The following CLCN4 variants were observed in gnomAD, a reference collection of about 807,000 sequenced individuals.
CLCN4 encodes Cl-/H+ antiporter 4.
Under a neutral mutation model 41.7 loss-of-function variants are expected in CLCN4, and 1 was observed. That is an observed-to-expected ratio of 0.02 (90% CI 0.01 to 0.11). The LOEUF is 0.11. Among genes scored for constraint, CLCN4 ranks in the 10% least tolerant of loss-of-function variants. The pLI, the probability that CLCN4 is intolerant of heterozygous loss-of-function variation, is 1.00. For synonymous variants in CLCN4, 277 were observed against 285.8 expected, an observed-to-expected ratio of 0.97 and a Z score of 0.31; for missense variants, 287 against 661.0, an observed-to-expected ratio of 0.43 and a Z score of 6.20.
intron 2 of CLCN4, among the ~76,000 whole-genome samples, chrX:10,180,921 C>T (rs1244301461): frequency 9.0e-6 from 1 of 110,681 alleles, no homozygotes; most frequent in African/African-American, 3.3e-5. Context: ...GCTGTTGAGT[C>T]TCTTGGCCCA....
chrX:10,187,929 T>G (rs1342236782), intron 4 of CLCN4, among the ~76,000 whole-genome samples: 3 of 111,723 alleles, frequency 2.7e-5, no homozygotes, highest in African/African-American at 9.8e-5. Context: ...AAACACACAT[T>G]TTTTTTGGAA....
intron 12 of CLCN4, among the ~76,000 whole-genome samples, chrX:10,231,378 A>G (rs1925122942): frequency 1.8e-5 from 2 of 111,689 alleles, no homozygotes; most frequent in Admixed American, 9.5e-5. Flanking sequence ...GTAACTCAAT[A>G]TATCATCCAA....
At chrX:10,164,773 C>T (rs952736577) in intron 2 of CLCN4, among the ~76,000 whole-genome samples, 1 of 112,222 alleles carries the variant, frequency 8.9e-6, no homozygotes, top group Non-Finnish European at 1.9e-5. Context: ...GCAGCATCAC[C>T]TTTGATGGGC....
chrX:10,207,087 T>G (rs1924416105), intron 8 of CLCN4, among the ~76,000 whole-genome samples: 1 of 110,473 alleles, frequency 9.1e-6, no homozygotes, highest in African/African-American at 3.3e-5. Context: ...GCCTGGCTCA[T>G]TTTTGTGTTT....
At chrX:10,224,293 C>CAT (rs1555978482) in intron 12 of CLCN4, among the ~76,000 whole-genome samples, 1 of 87,904 alleles carries the variant, frequency 1.1e-5, no homozygotes, top group Non-Finnish European at 2.2e-5. Context: ...GGGAGGGTTC[C>CAT]GTGTGTGTGT....
chrX:10,195,574 C>T (rs141690454), intron 5 of CLCN4, among the ~76,000 whole-genome samples: 1,843 of 111,807 alleles, frequency 0.016, 35 homozygotes, highest in African/African-American at 0.056. Context: ...GTTTTGCAGC[C>T]GTTACCACAA....
intron 9 of CLCN4, among the ~76,000 whole-genome samples, chrX:10,211,265 CAAAAAAAA>C (rs71774120): frequency 2.0e-5 from 1 of 48,808 alleles, no homozygotes; most frequent in East Asian, 8.8e-4. Context: ...GATTCCGTCT[CAAAAAAAA>C]AAAAAAAAAA....
chrX:10,205,013 G>T (rs1602155345), intron 6 of CLCN4, among the ~76,000 whole-genome samples: 1 of 111,072 alleles, frequency 9.0e-6, no homozygotes, highest in African/African-American at 3.3e-5. Context: ...AGCCTGGGCT[G>T]GGGGGTTAGC....
Position 10,180,550 on chromosome X carries a change from C to T in CLCN4, c.-11-4472C>T, listed in dbSNP as rs373003206. Among the ~76,000 whole-genome samples, 3 of 110,179 alleles carry T rather than the reference C, an allele frequency of 2.7e-5. No homozygotes were observed. In the South Asian group the frequency reaches 1.2e-3, roughly 42 times the overall value. On this transcript the variant is annotated intron_variant, in intron 2 of 12. Transcript: ENST00000380833. ...TGGGATGCCGAGGTGGGCGGATCAC[C>T]TGAGGTCGGGAGTTTGAAACCAGCC...
Position 10,212,449 on chromosome X carries a change from T to C in CLCN4, c.1390-18T>C. On this transcript the variant is annotated intron_variant, in intron 9 of 12. Coordinates refer to ENST00000380833, the MANE Select transcript of CLCN4 (RefSeq NM_001830.4). Reference sequence around the variant, plus strand: ...TGGTCTTTTTCCCTCATGTTGCTTTTCTCTGTGTCTCCTCAAGATCCCGTC... The same window carrying C: ...TGGTCTTTTTCCCTCATGTTGCTTTCCTCTGTGTCTCCTCAAGATCCCGTC... 1 of 1,204,396 alleles carries C rather than the reference T, an allele frequency of 8.3e-7. No homozygotes were observed. Among genetic ancestry groups the C allele is most frequent in the East Asian group, 3.0e-5 (1 of 33,723 alleles).
chrX:10,204,994 A>T (rs1186123510), intron 6 of CLCN4, among the ~76,000 whole-genome samples: 1 of 111,173 alleles, frequency 9.0e-6, no homozygotes, highest in African/African-American at 3.3e-5. Context: ...AAGTGTGACG[A>T]GGCAGAGGAG....
At chrX:10,179,440 A>T (rs1017489479) in intron 2 of CLCN4, among the ~76,000 whole-genome samples, 12 of 111,766 alleles carry the variant, frequency 1.1e-4, no homozygotes, top group African/African-American at 3.9e-4. Context: ...GAAAGAAAAC[A>T]GTCTAAACAG....
chrX:10,229,504 C>T (rs1029626821), intron 12 of CLCN4, among the ~76,000 whole-genome samples: 9 of 109,503 alleles, frequency 8.2e-5, no homozygotes, highest in Non-Finnish European at 1.5e-4. Context: ...ATTAACTCAT[C>T]ATTTACATTA....
intron 2 of CLCN4, among the ~76,000 whole-genome samples, chrX:10,182,724 C>A (rs995355826): frequency 8.9e-6 from 1 of 112,522 alleles, no homozygotes; most frequent in Non-Finnish European, 1.9e-5. Context: ...TCGGGCCTGG[C>A]CCCTAGATGA....
intron 6 of CLCN4, among the ~76,000 whole-genome samples, chrX:10,200,363 C>G (rs1471491687): frequency 8.9e-6 from 1 of 112,754 alleles, no homozygotes; most frequent in South Asian, 3.6e-4. Context: ...GCAGAGCTGA[C>G]TGTATTTTAT....
chrX:10,230,236 C>G (rs1191992684), intron 12 of CLCN4, among the ~76,000 whole-genome samples: 1 of 111,275 alleles, frequency 9.0e-6, no homozygotes, highest in Admixed American at 9.6e-5. Flanking sequence ...ATTGGGAAAC[C>G]TTTATTTCTT....
chrX:10,176,509 C>T (rs1350809133), intron 2 of CLCN4, among the ~76,000 whole-genome samples: 3 of 112,070 alleles, frequency 2.7e-5, no homozygotes, highest in African/African-American at 9.7e-5. Flanking sequence ...AAACTCCTAT[C>T]AGTTAAGTTA....
At position 10,212,643 on chromosome X, in the gene CLCN4, G is replaced by A. The variant is rs775103186; in HGVS notation, c.1566G>A (p.Ala522=). Residue 522 remains alanine (A), a synonymous_variant, in exon 10 of 13, where the codon GCG becomes GCA. Transcript: ENST00000380833. ...GGCTGTACGCAATGGTGGGAGCTGC[G>A]GCCTGCCTCGGTACGACCATGGGTG... ...TPGLYAMVGA[A]ACLGGVTRMT... 57 of 1,205,756 alleles carry A rather than the reference G, an allele frequency of 4.7e-5. No homozygotes were observed. Among genetic ancestry groups the A allele is most frequent in the Admixed American group, 6.6e-5 (3 of 45,653 alleles).
At chrX:10,232,434 A>G (rs1303139295) in intron 12 of CLCN4, among the ~76,000 whole-genome samples, 1 of 112,678 alleles carries the variant, frequency 8.9e-6, no homozygotes, top group Non-Finnish European at 1.9e-5. Context: ...TACACAGAGT[A>G]GAAACCCATT....
Sources: gnomAD v4.1 joint callset for allele counts (sites outside exome capture counted in the v4.1 genomes callset) on GRCh38, gnomAD v4.1.1 for gene constraint, MANE v1.5 for transcripts, NCBI Gene and HGNC (gene_info 2026-07-23, HGNC 2026-07-21) for gene names.